UGT1A9: variants seen among roughly 807,000 people sequenced by gnomAD.
UGT1A9 encodes the protein UDP glucuronosyltransferase family 1 member A9, also known as UDP-glucuronosyltransferase 1A9.
In UGT1A9, 35 loss-of-function variants were observed where a neutral mutation model predicts 45.0. The observed-to-expected ratio is 0.78, with a 90% CI of 0.59 to 1.03. The LOEUF (loss-of-function observed/expected upper bound fraction) is 1.03. UGT1A9 is among the 50% of genes least tolerant of loss of function. UGT1A9 has a pLI of 0.00. For synonymous variants in UGT1A9, 278 were observed against 250.6 expected (o/e 1.11, Z -1.03); for missense variants, 687 against 666.6 (o/e 1.03, Z -0.34).
chr2:233,768,108 G>A (rs1445815158), intron 3 of UGT1A9, 112 bp from the exon 4 acceptor site: 1 of 1,594,814 alleles, frequency 6.3e-7, no homozygotes, highest in Non-Finnish European at 8.6e-7. Flanking sequence ...GCAAATTTCT[G>A]CAAGGGCATG....
At chr2:233,690,521 A>T (rs1361310143) in intron 1 of UGT1A9, 1 of 1,289,572 alleles carries the variant, frequency 7.8e-7, no homozygotes, top group Non-Finnish European at 1.0e-6. Flanking sequence ...TTATCTTAGG[A>T]TCTACTTCTT....
intron 1 of UGT1A9, chr2:233,690,796 CACA>C (rs565926671): frequency 2.6e-6 from 3 of 1,135,126 alleles, no homozygotes; most frequent in South Asian, 2.0e-5. Context: ...CACACACACA[CACA>C]CCATTCTTAG....
At chr2:233,750,325 T>C (rs1342214391) in intron 1 of UGT1A9, among the ~76,000 whole-genome samples, 1 of 151,898 alleles carries the variant, frequency 6.6e-6, no homozygotes, top group Non-Finnish European at 1.5e-5. Context: ...AACTTTGAAC[T>C]TCAGAGAGAT....
chr2:233,742,531 TTTTG>T (rs1252535514), intron 1 of UGT1A9, among the ~76,000 whole-genome samples: 4 of 151,838 alleles, frequency 2.6e-5, no homozygotes, highest in African/African-American at 9.7e-5. Context: ...GCTGCAGAGA[TTTTG>T]TTTATGGCCA....
chr2:233,682,780 G>A (rs1395260675), intron 1 of UGT1A9: 3 of 1,612,672 alleles, frequency 1.9e-6, no homozygotes, highest in Non-Finnish European at 1.7e-6. Flanking sequence ...ATCAGGGAAA[G>A]CCAGTGCCTA....
At chr2:233,759,947 C>T (rs1327771342) in intron 1 of UGT1A9, among the ~76,000 whole-genome samples, 1 of 152,176 alleles carries the variant, frequency 6.6e-6, no homozygotes, top group Non-Finnish European at 1.5e-5. Flanking sequence ...CTAACTTGTT[C>T]ACTACATAGT....
At chr2:233,746,832 T>C (rs1693484231) in intron 1 of UGT1A9, among the ~76,000 whole-genome samples, 1 of 151,782 alleles carries the variant, frequency 6.6e-6, no homozygotes, top group Admixed American at 6.5e-5. Context: ...CCTACCACTG[T>C]TGGGGACCTC....
In UGT1A9 at chr2:233,714,350, G is replaced by A. The variant is rs530414366; in HGVS notation, c.855+41561G>A. Among the ~76,000 whole-genome samples the A allele has an allele frequency of 6.6e-5, 10 of 152,326 alleles. No homozygotes were observed. The East Asian group carries it at 9.6e-4, about 15-fold the overall frequency. On this transcript the variant is annotated intron_variant, in intron 1 of 4. Transcript: ENST00000354728. ...GACCTAAGCACTCAGAGGAAGTAGAGGTTTCAAAGAAGTTGACTCAGTTCA... is the reference window on the plus strand; with the variant it reads ...GACCTAAGCACTCAGAGGAAGTAGAAGTTTCAAAGAAGTTGACTCAGTTCA...
chr2:233,713,909 A>T (rs1191711784), intron 1 of UGT1A9: 23 of 1,612,758 alleles, frequency 1.4e-5, no homozygotes, highest in South Asian at 2.2e-5. Context: ...AACACTTTTT[A>T]AAAAATGTAT....
At chr2:233,697,336 T>C (rs2075385854) in intron 1 of UGT1A9, among the ~76,000 whole-genome samples, 1 of 152,124 alleles carries the variant, frequency 6.6e-6, no homozygotes, top group East Asian at 1.9e-4. Context: ...ATGTATCCAT[T>C]TCCTCTAGGT....
At chr2:233,693,849 G>C (rs371810579) in intron 1 of UGT1A9, 9 of 1,614,082 alleles carry the variant, frequency 5.6e-6, no homozygotes, top group Non-Finnish European at 6.8e-6. Context: ...TGTAAGAAGA[G>C]GAAAGACTTG....
intron 1 of UGT1A9, chr2:233,730,082 T>C (rs1479796808): frequency 2.1e-5 from 33 of 1,603,816 alleles, no homozygotes; most frequent in Non-Finnish European, 2.4e-5. Flanking sequence ...CCATATTTAC[T>C]TATCTTTCCA....
intron 1 of UGT1A9, chr2:233,743,866 C>G (rs1227330853): frequency 7.3e-7 from 1 of 1,367,058 alleles, no homozygotes; most frequent in Non-Finnish European, 9.8e-7. Context: ...TCTTGATGGC[C>G]TCGGATGAGG....
chr2:233,767,788 G>C (rs527533927), intron 2 of UGT1A9, 61 bp from the exon 3 acceptor site: 33 of 1,613,882 alleles, frequency 2.0e-5, no homozygotes, highest in East Asian at 4.5e-5. Flanking sequence ...TAGTATAGCA[G>C]ATTTGTTTTC....
At chr2:233,735,346 T>A (rs559111340) in intron 1 of UGT1A9, among the ~76,000 whole-genome samples, 5 of 152,212 alleles carry the variant, frequency 3.3e-5, no homozygotes, top group African/African-American at 1.2e-4. Context: ...GCTTTTTTTT[T>A]GCTTTCCATT....
At chr2:233,685,806 T>C (rs1031826413) in intron 1 of UGT1A9, among the ~76,000 whole-genome samples, 3 of 152,228 alleles carry the variant, frequency 2.0e-5, no homozygotes, top group Non-Finnish European at 4.4e-5. Flanking sequence ...TGTTGTCTCA[T>C]CACGAAATAC....
At chr2:233,685,153 T>C (rs1384992803) in intron 1 of UGT1A9, among the ~76,000 whole-genome samples, 1 of 152,180 alleles carries the variant, frequency 6.6e-6, no homozygotes, top group African/African-American at 2.4e-5. Flanking sequence ...TTAAATACTT[T>C]AACAAGGATG....
chr2:233,725,279 GGCAGAGGCA>G (rs560438122), intron 1 of UGT1A9, among the ~76,000 whole-genome samples: 3 of 44,338 alleles, frequency 6.8e-5, no homozygotes, highest in East Asian at 1.5e-3. Flanking sequence ...CAGAGGCAGA[GGCAGAGGCA>G]GAGGCAGAGG....
chr2:233,747,072 T>C (rs1174138764), intron 1 of UGT1A9: 1 of 1,024,362 alleles, frequency 9.8e-7, no homozygotes, highest in African/African-American at 1.6e-5. Context: ...TCGGTAATAA[T>C]TAACTAGGAG....
Sources: gnomAD v4.1 joint callset for allele counts (sites outside exome capture counted in the v4.1 genomes callset) on GRCh38, gnomAD v4.1.1 for gene constraint, MANE v1.5 for transcripts, NCBI Gene and HGNC (gene_info 2026-07-23, HGNC 2026-07-21) for gene names.